TRPS1: variants seen among roughly 807,000 people sequenced by gnomAD.
TRPS1 encodes transcriptional repressor GATA binding 1.
TRPS1 carries 6 observed loss-of-function variants against 101.2 expected under a neutral mutation model. That is an observed-to-expected ratio of 0.06 (90% confidence interval 0.03 to 0.12). TRPS1 has a LOEUF of 0.12. Ranked by LOEUF, TRPS1 falls within the 10% of genes least tolerant of loss-of-function variation. The pLI is 1.00. For missense variants in TRPS1, 1,363 were observed against 1,567.0 expected (o/e 0.87, Z 2.20); for synonymous variants, 578 against 589.8 (o/e 0.98, Z 0.29).
At chr8:115,495,311 T>G (rs1235536746) in intron 5 of TRPS1, among the ~76,000 whole-genome samples, 1 of 151,910 alleles carries the variant, frequency 6.6e-6, no homozygotes. Context: ...TGACACAACT[T>G]TCAAAAAACA....
intron 5 of TRPS1, among the ~76,000 whole-genome samples, chr8:115,497,444 G>T (rs1158348339): frequency 6.6e-6 from 1 of 152,134 alleles, no homozygotes; most frequent in Non-Finnish European, 1.5e-5. Context: ...GACTGGTACG[G>T]GTCCATGGCT....
chr8:115,602,150 T>G (rs1402453961), intron 4 of TRPS1, among the ~76,000 whole-genome samples: 1 of 151,604 alleles, frequency 6.6e-6, no homozygotes, highest in Non-Finnish European at 1.5e-5. Context: ...TGCGTGTGCG[T>G]GTGTGTGTGT....
At chr8:115,644,205 CCTAA>C (rs1257626555) in intron 1 of TRPS1, among the ~76,000 whole-genome samples, 2 of 152,102 alleles carry the variant, frequency 1.3e-5, no homozygotes, top group African/African-American at 4.8e-5. Context: ...TGCATTAGCC[CCTAA>C]CTAGTCAGCC....
chr8:115,586,836 CAT>C (rs1022788840), intron 5 of TRPS1, 163 bp downstream of exon 5: 114 of 1,128,358 alleles, frequency 1.0e-4, no homozygotes, highest in Middle Eastern at 5.8e-4. Flanking sequence ...CACAAACACA[CAT>C]GAGTTACTTG....
chr8:115,634,318 A>G (rs1818718246), intron 1 of TRPS1, among the ~76,000 whole-genome samples: 2 of 152,204 alleles, frequency 1.3e-5, no homozygotes, highest in South Asian at 4.1e-4. Context: ...TGAATGCTTT[A>G]CATGTTCTAG....
At chr8:115,488,744 A>C (rs1814950064) in intron 5 of TRPS1, among the ~76,000 whole-genome samples, 1 of 152,164 alleles carries the variant, frequency 6.6e-6, no homozygotes, top group Admixed American at 6.6e-5. Context: ...TCTTTTAGAG[A>C]CCACATTTTC....
At chr8:115,428,111 A>G (rs1813233990) in intron 5 of TRPS1, among the ~76,000 whole-genome samples, 1 of 152,134 alleles carries the variant, frequency 6.6e-6, no homozygotes, top group Non-Finnish European at 1.5e-5. Flanking sequence ...TTCAGGTAAC[A>G]ATTTACTAGA....
At chr8:115,466,352 C>T (rs1481264096) in intron 5 of TRPS1, among the ~76,000 whole-genome samples, 1 of 152,088 alleles carries the variant, frequency 6.6e-6, no homozygotes, top group Non-Finnish European at 1.5e-5. Context: ...ATCATAAACT[C>T]TGTCATAGCA....
chr8:115,667,975 C>T, intron 1 of TRPS1: 1 of 1,397,912 alleles, frequency 7.2e-7, no homozygotes, highest in Non-Finnish European at 9.8e-7. Context: ...CAACCACCTC[C>T]AGCTCCTCCG....
intron 1 of TRPS1, among the ~76,000 whole-genome samples, chr8:115,663,090 C>A (rs936039447): frequency 6.6e-6 from 1 of 152,130 alleles, no homozygotes; most frequent in Non-Finnish European, 1.5e-5. Context: ...GTTTAAGTTA[C>A]GGTAACCTGA....
chr8:115,498,397 CTCTCTCTCTCTCTCTCTCTATATATATA>C (rs1222356061), intron 5 of TRPS1, among the ~76,000 whole-genome samples: 1 of 80,980 alleles, frequency 1.2e-5, no homozygotes, highest in African/African-American at 5.5e-5. Context: ...CTCTCTCTCT[CTCTCTCTCTCTCTCTCTCTATATATATA>C]TATATATATA....
intron 5 of TRPS1, among the ~76,000 whole-genome samples, chr8:115,455,775 CT>C (rs386413741): frequency 0.059 from 7,078 of 119,644 alleles, 377 homozygotes; most frequent in African/African-American, 0.22. Flanking sequence ...TTCTTTCTTT[CT>C]TTTTTTTTTT....
chr8:115,471,414 T>A (rs749503084), intron 5 of TRPS1, among the ~76,000 whole-genome samples: 1 of 152,194 alleles, frequency 6.6e-6, no homozygotes. Context: ...AACAGCAGCA[T>A]TGGGGTAACC....
At chr8:115,603,718 T>C (rs186251866) in intron 4 of TRPS1, among the ~76,000 whole-genome samples, 155 bp downstream of exon 4, 227 of 152,328 alleles carry the variant, frequency 1.5e-3, no homozygotes, top group Non-Finnish European at 2.4e-3. Flanking sequence ...CTATATCACC[T>C]GCAAATCTGT....
intron 1 of TRPS1, among the ~76,000 whole-genome samples, chr8:115,667,455 C>T (rs1811950008): frequency 6.6e-6 from 1 of 152,208 alleles, no homozygotes. Flanking sequence ...CAAACAGGAA[C>T]CAGACAGAAG....
At chr8:115,619,043 C>A in intron 3 of TRPS1, 89 bp downstream of exon 3, 1 of 1,439,594 alleles carries the variant, frequency 6.9e-7, no homozygotes, top group Non-Finnish European at 9.6e-7. Flanking sequence ...CTGTCTGGTA[C>A]TGGGACCTTG....
chr8:115,643,949 TG>T (rs1355458404), intron 1 of TRPS1, among the ~76,000 whole-genome samples: 5 of 152,222 alleles, frequency 3.3e-5, no homozygotes, highest in African/African-American at 1.2e-4. Context: ...TCAGAGCTTC[TG>T]GGGTGACTGC....
intron 5 of TRPS1, among the ~76,000 whole-genome samples, chr8:115,467,076 A>C (rs192230681): frequency 1.5e-3 from 235 of 152,258 alleles, no homozygotes; most frequent in Middle Eastern, 3.4e-3. Context: ...GAATTTTCTT[A>C]AAGAAATTTT....
At chr8:115,500,544 T>C (rs1815290508) in intron 5 of TRPS1, among the ~76,000 whole-genome samples, 1 of 152,096 alleles carries the variant, frequency 6.6e-6, no homozygotes, top group Non-Finnish European at 1.5e-5. Context: ...ATAGAAACAA[T>C]ATTTTTAAAC....
Sources: allele counts gnomAD v4.1 joint callset (sites outside exome capture counted in the v4.1 genomes callset), GRCh38; gene constraint gnomAD v4.1.1; transcripts MANE v1.5; gene names NCBI Gene and HGNC (gene_info 2026-07-23, HGNC 2026-07-21).